The following BICRA variants were observed in gnomAD, a reference collection of about 807,000 sequenced individuals.
BICRA encodes BRD4-interacting chromatin-remodeling complex-associated protein.
Under a neutral mutation model 96.9 loss-of-function variants are expected in BICRA, and 31 were observed. That is an observed-to-expected ratio of 0.32 (90% confidence interval 0.24 to 0.43). The LOEUF is 0.43. BICRA is among the 20% of genes least tolerant of loss of function. BICRA has a pLI of 1.00. For missense variants in BICRA, 2,283 were observed against 2,190.3 expected (o/e 1.04, Z -0.84); for synonymous variants, 1,350 against 1,071.8 (o/e 1.26, Z -5.07).
Position 47,702,774 on chromosome 19 carries a change from G to A in BICRA, c.*359G>A. On this transcript the variant is annotated 3_prime_UTR_variant, in exon 15 of 15. Transcript: ENST00000594866. ...CACCGGGTTGATGCCAACGCTCCGG[G>A]TGCCTGTCTTGTCTGTGTGGCTTCT... The A allele has an allele frequency of 3.4e-6, 1 of 293,830 alleles. No homozygotes were observed. Among genetic ancestry groups the A allele is most frequent in the Non-Finnish European group, 6.3e-6 (1 of 158,720 alleles). The allele number at this position is 293,830 out of a possible 1,614,324, so 18.2% of individuals were successfully genotyped here. A position where few individuals can be genotyped will look rare whatever the true frequency, so the allele number is the denominator to read the frequency against.
chr19:47,641,408 C>G (rs1972384488), intron 1 of BICRA, among the ~76,000 whole-genome samples: 1 of 152,130 alleles, frequency 6.6e-6, no homozygotes, highest in Non-Finnish European at 1.5e-5. Context: ...CTCCCTACCC[C>G]CTGGCTCAGG....
chr19:47,667,179 G>T (rs529745806), intron 1 of BICRA, among the ~76,000 whole-genome samples: 15 of 151,906 alleles, frequency 9.9e-5, no homozygotes, highest in Non-Finnish European at 1.3e-4. Context: ...CCCCCACGCC[G>T]GGCTCATTTT....
At chr19:47,651,186 G>T (rs779612639) in intron 1 of BICRA, among the ~76,000 whole-genome samples, 1 of 152,108 alleles carries the variant, frequency 6.6e-6, no homozygotes, top group East Asian at 1.9e-4. Context: ...CCCAAGTCAG[G>T]TCATGTCCCT....
At position 47,702,319 on chromosome 19, in the gene BICRA, C is replaced by T. The variant is rs760774619; in HGVS notation, c.4587C>T (p.Ala1529=). The T allele has an allele frequency of 1.3e-6, 2 of 1,562,506 alleles. No individual in the cohort carries two copies. Among genetic ancestry groups the T allele is most frequent in the East Asian group, 2.4e-5 (1 of 41,962 alleles). ...CCTCGTACCCCCACGCTGCCTCGGC[C>T]GGCACCCCCGCATCCCCGCCGCCCC... ...PAPSYPHAAS[A]GTPASPPPLH... is the part of the protein sequence containing the mutation. Residue 1529 remains alanine, a synonymous_variant, in exon 15 of 15, where the codon GCC becomes GCT. Coordinates refer to ENST00000594866, the MANE Select transcript of BICRA (RefSeq NM_001394372.1).
intron 1 of BICRA, among the ~76,000 whole-genome samples, chr19:47,666,792 TCCAACTCCTGAGTTTAAG>T (rs1972785785): frequency 6.6e-6 from 1 of 152,084 alleles, no homozygotes; most frequent in South Asian, 2.1e-4. Context: ...AGGCTGGTTC[TCCAACTCCTGAGTTTAAG>T]CCATCCTCCT....
chr19:47,633,335 C>G (rs940007455), intron 1 of BICRA, among the ~76,000 whole-genome samples: 2 of 152,030 alleles, frequency 1.3e-5, no homozygotes, highest in African/African-American at 4.8e-5. Context: ...CTGCCTTGGC[C>G]TCCCAAAGTG....
chr19:47,669,185 C>T (rs1476606508), intron 1 of BICRA, among the ~76,000 whole-genome samples: 1 of 152,028 alleles, frequency 6.6e-6, no homozygotes, highest in East Asian at 1.9e-4. Flanking sequence ...GGCAGTGAGG[C>T]TGTGATGTGC....
intron 1 of BICRA, among the ~76,000 whole-genome samples, chr19:47,614,573 C>T (rs188824501): frequency 1.4e-4 from 21 of 152,328 alleles, no homozygotes; most frequent in Middle Eastern, 3.4e-3. Context: ...GCCGAGATTG[C>T]GGTAGCACTG....
At chr19:47,677,320 T>C (rs1219436794) in intron 5 of BICRA, among the ~76,000 whole-genome samples, 1 of 152,212 alleles carries the variant, frequency 6.6e-6, no homozygotes, top group Admixed American at 6.5e-5. Context: ...AAGTATTGTT[T>C]GTGGGGCTTT....
chr19:47,608,933 A>C (rs1390510410), upstream of BICRA, among the ~76,000 whole-genome samples: 1 of 144,732 alleles, frequency 6.9e-6, no homozygotes, highest in Non-Finnish European at 1.5e-5. Flanking sequence ...AATTAAAAAA[A>C]ATTTTTTTTT....
In BICRA at chr19:47,701,646, G is replaced by A. The variant is rs866967156; in HGVS notation, c.3914G>A (p.Arg1305His). 1.3e-6 allele frequency: 2 copies of A among 1,594,254 alleles called. No individual in the cohort carries two copies. Among genetic ancestry groups the A allele is most frequent in the Non-Finnish European group, 1.7e-6 (2 of 1,171,638 alleles). ...ATCAAGACCTACGAGGCCCGGAGCC[G>A]CATCGGGCTCAAGCTCAAGATCAAG... Reference protein sequence around the residue: ...PPIKTYEARSRIGLKLKIKQE... With the variant: ...PPIKTYEARSHIGLKLKIKQE... The change falls in exon 15 of 15, where the codon CGC (arginine) becomes CAC (histidine). Residue 1305 changes from arginine (R) to histidine (H), a missense_variant. Coordinates refer to ENST00000594866, the MANE Select transcript of BICRA (RefSeq NM_001394372.1). This position sits in a 1 kb window ranked among gnomAD's most constrained non-coding sequence, Gnocchi z 5.4.
In BICRA at chr19:47,695,380, T is replaced by G. The variant is rs775350139; in HGVS notation, c.3092T>G (p.Leu1031Arg). 1 of 1,182,512 alleles carries G rather than the reference T, an allele frequency of 8.5e-7. No individual in the cohort carries two copies. Among genetic ancestry groups the G allele is most frequent in the African/African-American group, 1.8e-5 (1 of 54,696 alleles). The allele number at this position is 1,182,512 out of a possible 1,614,324, so 73.3% of individuals were successfully genotyped here. Residue 1031 changes from leucine (L) to arginine (R), a missense_variant, in exon 10 of 15, where the codon CTT becomes CGT. Leu to Arg is a moderately radical substitution (Grantham distance 102). Coordinates refer to ENST00000594866, the MANE Select transcript of BICRA (RefSeq NM_001394372.1). Reference protein sequence around the residue: ...PMAATGLPPLLPAENKAFASN... With the variant: ...PMAATGLPPLRPAENKAFASN... ...CCACCCCCAGGCCTCCCTCCTCTGC[T>G]TCCAGCCGAGAACAAGGCTTTTGCC...
chr19:47,678,765 A>G (rs1045065522), intron 5 of BICRA, among the ~76,000 whole-genome samples: 1 of 151,688 alleles, frequency 6.6e-6, no homozygotes, highest in Non-Finnish European at 1.5e-5. Context: ...ACTGATGGGT[A>G]CAGATGAAGA....
At chr19:47,673,270 G>T (rs1463018541) in intron 2 of BICRA, among the ~76,000 whole-genome samples, 1 of 152,126 alleles carries the variant, frequency 6.6e-6, no homozygotes, top group Non-Finnish European at 1.5e-5. Context: ...GATACCCTGA[G>T]GATTAGCTTA....
At chr19:47,681,912 CG>C in intron 6 of BICRA, 63 bp from the exon 7 acceptor site, 1 of 1,132,714 alleles carries the variant, frequency 8.8e-7, no homozygotes, top group Non-Finnish European at 1.3e-6. Flanking sequence ...GCAGGGGTCT[CG>C]GGTGGGGAGG....
chr19:47,643,304 T>C (rs546896110), intron 1 of BICRA, among the ~76,000 whole-genome samples: 6 of 152,324 alleles, frequency 3.9e-5, no homozygotes, highest in Admixed American at 3.9e-4. Context: ...TTCTGGATGC[T>C]AAAAATTGAC....
intron 1 of BICRA, among the ~76,000 whole-genome samples, chr19:47,658,293 G>A (rs1190447231): frequency 6.6e-6 from 1 of 152,164 alleles, no homozygotes; most frequent in African/African-American, 2.4e-5. Flanking sequence ...CCTCAGAGAA[G>A]ACTCGGTGGG....
In BICRA at chr19:47,701,804, C is replaced by A; in HGVS notation, c.4072C>A (p.Gln1358Lys). 2.0e-6 allele frequency: 3 copies of A among 1,538,106 alleles called. No homozygotes were observed. Among genetic ancestry groups the A allele is most frequent in the Non-Finnish European group, 2.6e-6 (3 of 1,144,486 alleles). ...GCCACCACCACCGCCGCCCACGGGC[C>A]AGATGAACGGCACGGTGGACCACCC... ...RPPPPPPPTG[Q>K]MNGTVDHPPP... is the part of the protein sequence containing the mutation. Residue 1358 changes from glutamine (Q) to lysine (K), a missense_variant, in exon 15 of 15, where the codon CAG (glutamine) becomes AAG (lysine). Physicochemically the swap from Gln to Lys is moderately conservative, Grantham distance 53. Coordinates refer to ENST00000594866, the MANE Select transcript of BICRA (RefSeq NM_001394372.1). This position sits in a 1 kb window ranked among gnomAD's most constrained non-coding sequence, Gnocchi z 5.4.
At chr19:47,650,867 A>G (rs2123548161) in intron 1 of BICRA, among the ~76,000 whole-genome samples, 1 of 152,120 alleles carries the variant, frequency 6.6e-6, no homozygotes, top group Admixed American at 6.5e-5. Context: ...ACATCCTGAC[A>G]CCATCCGCCC....
Sources: gnomAD v4.1 joint callset for allele counts (sites outside exome capture counted in the v4.1 genomes callset) on GRCh38, gnomAD v4.1.1 for gene constraint, Gnocchi (gnomAD v3.1) non-coding constraint, MANE v1.5 for transcripts, NCBI Gene and HGNC (gene_info 2026-07-23, HGNC 2026-07-21) for gene names.